Variants in TNFSF4 observed in about 807,000 individuals in gnomAD.
TNFSF4 encodes the protein TNF superfamily member 4.
Under a neutral mutation model 7.3 loss-of-function variants are expected in TNFSF4, and 4 were observed. That is an observed-to-expected ratio of 0.55 (90% CI 0.27 to 1.25). TNFSF4 has a LOEUF of 1.25. Among genes scored for constraint, TNFSF4 ranks in the 50% most tolerant of loss-of-function variants. The pLI is 0.12. For missense variants in TNFSF4, 181 were observed against 208.8 expected (o/e 0.87, Z 0.82); for synonymous variants, 76 against 83.7 (o/e 0.91, Z 0.50).
At chr1:173,362,374 C>A in the TNFSF4 span, 9 of 401,070 alleles carry the variant, frequency 2.2e-5, no homozygotes, top group African/African-American at 1.7e-4. Context: ...TCATACTGTA[C>A]GCCTTCTTAT....
At chr1:173,293,454 T>G in the TNFSF4 span, among the ~76,000 whole-genome samples, 26 of 151,982 alleles carry the variant, frequency 1.7e-4, no homozygotes, top group African/African-American at 6.0e-4. Context: ...TTTCACCTTA[T>G]ACAAAAATCA....
the TNFSF4 span, among the ~76,000 whole-genome samples, chr1:173,383,841 C>T: frequency 1.3e-5 from 2 of 152,156 alleles, no homozygotes; most frequent in Non-Finnish European, 2.9e-5. Context: ...CCCTTCAGAA[C>T]TGAGTTTCCA....
At chr1:173,315,678 A>G in the TNFSF4 span, among the ~76,000 whole-genome samples, 6 of 152,308 alleles carry the variant, frequency 3.9e-5, no homozygotes, top group Admixed American at 3.3e-4. Context: ...TTCTGACTTT[A>G]TGGAATAATC....
chr1:173,200,735 G>A (rs1321117003), intron 1 of TNFSF4, among the ~76,000 whole-genome samples: 1 of 152,146 alleles, frequency 6.6e-6, no homozygotes, highest in Non-Finnish European at 1.5e-5. Flanking sequence ...GGCTGCCGCT[G>A]GGGAGCCCAG....
At chr1:173,393,843 T>C in the TNFSF4 span, among the ~76,000 whole-genome samples, 1 of 152,208 alleles carries the variant, frequency 6.6e-6, no homozygotes, top group Non-Finnish European at 1.5e-5. Flanking sequence ...GAGAAACATC[T>C]GTACTTTCAA....
chr1:173,419,082 G>A, the TNFSF4 span, among the ~76,000 whole-genome samples: 1 of 152,342 alleles, frequency 6.6e-6, no homozygotes, highest in African/African-American at 2.4e-5. Flanking sequence ...GCTCACGCCT[G>A]TAATCCCAGC....
the TNFSF4 span, among the ~76,000 whole-genome samples, chr1:173,231,078 C>T: frequency 6.6e-6 from 1 of 152,178 alleles, no homozygotes; most frequent in Admixed American, 6.5e-5. Flanking sequence ...AGAGGGAATC[C>T]TCCCTAACTC....
chr1:173,449,606 T>C, the TNFSF4 span, among the ~76,000 whole-genome samples: 1 of 152,164 alleles, frequency 6.6e-6, no homozygotes, highest in African/African-American at 2.4e-5. Context: ...CTCAAAGTGC[T>C]AGGATTACAG....
the TNFSF4 span, among the ~76,000 whole-genome samples, chr1:173,426,675 G>A: frequency 6.6e-6 from 1 of 152,070 alleles, no homozygotes; most frequent in Non-Finnish European, 1.5e-5. Flanking sequence ...GCTCACGGCA[G>A]CCTCAACCTC....
the TNFSF4 span, among the ~76,000 whole-genome samples, chr1:173,303,920 T>C: frequency 6.6e-6 from 1 of 151,940 alleles, no homozygotes; most frequent in Non-Finnish European, 1.5e-5. Context: ...AGTGAAAATA[T>C]CATAATTATT....
At chr1:173,239,617 C>T in the TNFSF4 span, among the ~76,000 whole-genome samples, 13 of 152,144 alleles carry the variant, frequency 8.5e-5, no homozygotes, top group South Asian at 2.1e-4. Flanking sequence ...CAGCTTGGAA[C>T]GGAGCTGAAA....
At chr1:173,421,350 G>C in the TNFSF4 span, among the ~76,000 whole-genome samples, 1 of 151,976 alleles carries the variant, frequency 6.6e-6, no homozygotes, top group African/African-American at 2.4e-5. Flanking sequence ...CCCATTTTAT[G>C]GATAAGGAAA....
the TNFSF4 span, among the ~76,000 whole-genome samples, chr1:173,215,054 A>G: frequency 0.028 from 4,255 of 152,192 alleles, 66 homozygotes; most frequent in Admixed American, 0.055. Context: ...TTGGAGATGG[A>G]GCCTTTGGAA....
chr1:173,413,485 T>A, the TNFSF4 span, among the ~76,000 whole-genome samples: 1 of 152,178 alleles, frequency 6.6e-6, no homozygotes, highest in East Asian at 1.9e-4. Context: ...AATGCCAGTG[T>A]TCATGATCTA....
chr1:173,269,367 C>T, the TNFSF4 span, among the ~76,000 whole-genome samples: 2 of 152,132 alleles, frequency 1.3e-5, no homozygotes, highest in African/African-American at 4.8e-5. Flanking sequence ...GAGATTCTTT[C>T]TTACCATAGG....
the TNFSF4 span, among the ~76,000 whole-genome samples, chr1:173,402,603 T>TCA: frequency 6.6e-6 from 1 of 152,206 alleles, no homozygotes. Flanking sequence ...AATCTCACCT[T>TCA]TCCCCAGAGC....
In TNFSF4 at chr1:173,186,600, G is replaced by T; in HGVS notation, c.468C>A (p.Asp156Glu). ...KDKVYLNVTT[D>E]NTSLDDFHVN... ...CATGGAAGTCATCCAGGGAGGTATT[G>T]TCAGTGGTCACATTCAAGTAGACTT... The change falls in exon 3 of 3, where the codon GAC (aspartate) becomes GAA (glutamate). Residue 156 changes from aspartate to glutamate, a missense_variant. Coordinates refer to ENST00000281834, the MANE Select transcript of TNFSF4 (RefSeq NM_003326.5). 1 of 1,614,186 alleles carries T rather than the reference G, an allele frequency of 6.2e-7. No individual in the cohort carries two copies. The highest frequency in any genetic ancestry group is 1.3e-5 in the African/African-American group (1 of 75,058).
chr1:173,204,702 T>C (rs1394211392), intron 1 of TNFSF4, among the ~76,000 whole-genome samples: 1 of 152,078 alleles, frequency 6.6e-6, no homozygotes, highest in African/African-American at 2.4e-5. Context: ...TTATGTCTTA[T>C]AAAATAGAGG....
At chr1:173,292,316 AGG>A in the TNFSF4 span, among the ~76,000 whole-genome samples, 1 of 152,338 alleles carries the variant, frequency 6.6e-6, no homozygotes, top group Admixed American at 6.5e-5. Flanking sequence ...CTGAAATGCA[AGG>A]TTAGTTCAAC....
Sources: gnomAD v4.1 joint callset for allele counts (sites outside exome capture counted in the v4.1 genomes callset) on GRCh38, gnomAD v4.1.1 for gene constraint, MANE v1.5 for transcripts, NCBI Gene and HGNC (gene_info 2026-07-23, HGNC 2026-07-21) for gene names.